SNX19: variants seen among roughly 807,000 people sequenced by gnomAD.
The protein encoded by SNX19 is sorting nexin 19.
SNX19 carries 60 observed loss-of-function variants against 85.2 expected under a neutral mutation model. The observed-to-expected ratio is 0.70, with a 90% confidence interval of 0.57 to 0.87. The LOEUF is 0.87. Ranked by LOEUF, SNX19 falls within the 40% of genes least tolerant of loss-of-function variation. SNX19 has a pLI of 0.00. For synonymous variants in SNX19, 520 were observed against 470.0 expected, an observed-to-expected ratio of 1.11 and a Z score of -1.38; for missense variants, 1,201 against 1,217.8, an observed-to-expected ratio of 0.99 and a Z score of 0.21.
In SNX19 at chr11:130,870,294, C is replaced by G. The variant is rs953829859; in HGVS notation, c.*8128G>C. ...CTTCAGCAGAAAGACCGCAGGTATT[C>G]CCGCCGCATCCACATATGCACACTT... is the stretch of plus-strand genomic sequence containing the variant. On this transcript the variant is annotated 3_prime_UTR_variant, in exon 11 of 11. Coordinates refer to ENST00000265909, the MANE Select transcript of SNX19 (RefSeq NM_014758.3). The G allele has an allele frequency of 2.6e-5, 4 of 152,214 alleles. No homozygotes were observed. Among genetic ancestry groups the G allele is most frequent in the African/African-American group, 7.2e-5 (3 of 41,444 alleles). 9.4% of individuals were successfully genotyped at this position (152,214 alleles called of 1,614,324 possible).
At position 130,915,811 on chromosome 11, in the gene SNX19, G is replaced by T. The variant is rs1222432907; in HGVS notation, c.129C>A (p.His43Gln). 2 of 1,614,210 alleles carry T rather than the reference G, an allele frequency of 1.2e-6. No individual in the cohort carries two copies. The highest frequency in any genetic ancestry group is 2.2e-5 in the South Asian group (2 of 91,090). Residue 43 changes from histidine (H) to glutamine (Q), a missense_variant, in exon 1 of 11, where the codon CAC becomes CAA. His to Gln is a conservative substitution (Grantham distance 24). Coordinates refer to ENST00000265909, the MANE Select transcript of SNX19 (RefSeq NM_014758.3). ...GVLLGWLLVIHLLVNVWLLCL... is the reference protein window; with the variant it reads ...GVLLGWLLVIQLLVNVWLLCL... ...ACAGCAGCCACACGTTGACCAGAAG[G>T]TGTATGACCAGGAGCCAGCCAAGCA...
rs35654790 is a variant in SNX19 at position 130,903,716 on chromosome 11, T to TACACACAC, written c.2444-340_2444-333dup. On this transcript the variant is annotated intron_variant, in intron 7 of 10. Coordinates refer to ENST00000265909, the MANE Select transcript of SNX19 (RefSeq NM_014758.3). ...ATATACATATATATATATATACACA[T>TACACACAC]ACACACACACACACACACACACACA... Among the ~76,000 whole-genome samples, 295 of 143,368 alleles carry TACACACAC rather than the reference T, an allele frequency of 2.1e-3. 2 individuals are homozygous for TACACACAC. The highest frequency in any genetic ancestry group is 5.3e-3 in the African/African-American group (204 of 38,604). 94.1% of individuals were successfully genotyped at this position (143,368 alleles called of 152,430 possible).
intron 8 of SNX19, among the ~76,000 whole-genome samples, chr11:130,887,833 A>G (rs1285562399): frequency 6.6e-6 from 1 of 152,198 alleles, no homozygotes; most frequent in Non-Finnish European, 1.5e-5. Flanking sequence ...TGAAAGAAGG[A>G]GAGAAATGAA....
At chr11:130,900,117 G>A (rs1945159493) in intron 8 of SNX19, among the ~76,000 whole-genome samples, 1 of 152,122 alleles carries the variant, frequency 6.6e-6, no homozygotes, top group African/African-American at 2.4e-5. Context: ...AACTTGCCTG[G>A]GCAACATAGT....
Position 130,915,705 on chromosome 11 carries a change from G to C in SNX19, c.235C>G (p.Leu79Val), listed in dbSNP as rs777097196. The change falls in exon 1 of 11, where the codon CTG becomes GTG. Residue 79 changes from leucine to valine, a missense_variant. Coordinates refer to ENST00000265909, the MANE Select transcript of SNX19 (RefSeq NM_014758.3). ...LAGVASGRLH[L>V]ERFIPLATCP... ...GTGGCCAACGGGATGAAGCGTTCCA[G>C]ATGCAGTCGACCTGAAGCCACTCCA... 2 of 1,614,262 alleles carry C rather than the reference G, an allele frequency of 1.2e-6. No homozygotes were observed. Among genetic ancestry groups the C allele is most frequent in the Non-Finnish European group, 1.7e-6 (2 of 1,180,050 alleles).
rs186683274 is a variant in SNX19 at position 130,877,381 on chromosome 11, G to A, written c.*1041C>T. On this transcript the variant is annotated 3_prime_UTR_variant, in exon 11 of 11. Coordinates refer to ENST00000265909, the MANE Select transcript of SNX19 (RefSeq NM_014758.3). The stretch of plus-strand genomic sequence containing the variant: ...TGTTGTTAAAGGACTGATTATAACC[G>A]TAAGGAATGGGAAATAAGAAGCTAT... 15 of 152,270 alleles carry A rather than the reference G, an allele frequency of 9.9e-5. No individual in the cohort carries two copies. The highest frequency in any genetic ancestry group is 2.6e-4 in the African/African-American group (11 of 41,564). The allele number at this position is 152,270 out of a possible 1,614,324, so 9.4% of individuals were successfully genotyped here.
At chr11:130,893,833 G>C (rs1294435684) in intron 8 of SNX19, 1 of 702,168 alleles carries the variant, frequency 1.4e-6, no homozygotes, top group South Asian at 1.5e-5. Context: ...ATCTTTCGGG[G>C]CCAGCATTAT....
chr11:130,904,061 T>C (rs1945471996), intron 7 of SNX19, among the ~76,000 whole-genome samples: 1 of 152,186 alleles, frequency 6.6e-6, no homozygotes, highest in Non-Finnish European at 1.5e-5. Context: ...TCTGGTAAAA[T>C]GCCATAACAA....
In SNX19 at chr11:130,868,198, A is replaced by G. The variant is rs930348461; in HGVS notation, c.*10224T>C. The stretch of plus-strand genomic sequence containing the variant: ...CTTCTCATGCCTTCCCTTTTCACAC[A>G]CTGGGGGCAGACACTCTCTCCTACT... On this transcript the variant is annotated 3_prime_UTR_variant, in exon 11 of 11. Transcript: ENST00000265909. 1.3e-5 allele frequency: 2 copies of G among 152,008 alleles called. No homozygotes were observed. The highest frequency in any genetic ancestry group is 4.8e-5 in the African/African-American group (2 of 41,374). The allele number at this position is 152,008 out of a possible 1,614,324, so 9.4% of individuals were successfully genotyped here.
At chr11:130,896,110 G>C (rs7110949) in intron 8 of SNX19, among the ~76,000 whole-genome samples, 96,639 of 152,046 alleles carry the variant, frequency 0.64, 30,997 homozygotes, top group South Asian at 0.8. Flanking sequence ...CAGAAAATAA[G>C]CGAGAATTCT....
chr11:130,910,466 A>G (rs1164017642), intron 2 of SNX19, 96 bp from the exon 3 acceptor site: 5 of 907,878 alleles, frequency 5.5e-6, no homozygotes, highest in African/African-American at 1.7e-5. Flanking sequence ...ACTATTGAAT[A>G]TATTTCCTTG....
intron 8 of SNX19, among the ~76,000 whole-genome samples, chr11:130,881,684 G>A (rs1278335250): frequency 6.6e-6 from 1 of 152,066 alleles, no homozygotes; most frequent in Non-Finnish European, 1.5e-5. Flanking sequence ...GCCTCTTCTC[G>A]CCTTGCCTGA....
chr11:130,903,530 A>G (rs1329869388), intron 7 of SNX19, 146 bp from the exon 8 acceptor site: 1 of 753,278 alleles, frequency 1.3e-6, no homozygotes, highest in Non-Finnish European at 2.0e-6. Context: ...AAATCAAAAG[A>G]GGTTTAACTC....
In SNX19 at chr11:130,879,627, T is replaced by C. The variant is rs776196813; in HGVS notation, c.2843A>G (p.Asn948Ser). 5.0e-6 allele frequency: 8 copies of C among 1,613,644 alleles called. No homozygotes were observed. The African/African-American group carries it at 9.3e-5, about 19-fold the overall frequency. Reference sequence around the variant, plus strand: ...GGAATAACATTTTCCCACTTACCTGTTGATGAGGGGTTGTTGTAGTGACTC... The same window carrying C: ...GGAATAACATTTTCCCACTTACCTGCTGATGAGGGGTTGTTGTAGTGACTC... The part of the protein sequence containing the change: ...VLESLQQPLI[N>S]RHLIYCLGDI... Residue 948 changes from asparagine (N) to serine (S), a missense_variant, in exon 10 of 11, where the codon AAC (asparagine) becomes AGC (serine). Around this residue, in one of 3 missense-constraint regions of SNX19, gnomAD observed 285 missense variants for 295.3 expected, o/e 0.97. Transcript: ENST00000265909.
rs143761120 is a variant in SNX19, at chr11:130,888,271, C to T, written c.2574-7465G>A. ...TTCATCATCTAGAGTTTTAACTACT[C>T]CTCTAAGATTAGAATTACTTGCAAA... On this transcript the variant is annotated intron_variant, in intron 8 of 10. Transcript: ENST00000265909. Among the ~76,000 whole-genome samples, 887 of 152,212 alleles carry T rather than the reference C, an allele frequency of 5.8e-3. 4 individuals carry two copies. Among genetic ancestry groups the T allele is most frequent in the Admixed American group, 0.011 (168 of 15,284 alleles).
In SNX19 at chr11:130,916,081, T is replaced by A. The variant is rs2135435477; in HGVS notation, c.-142A>T. 2.9e-6 allele frequency: 2 copies of A among 701,558 alleles called. No homozygotes were observed. Among genetic ancestry groups the A allele is most frequent in the East Asian group, 2.7e-5 (1 of 36,852 alleles). 43.5% of individuals were successfully genotyped at this position (701,558 alleles called of 1,614,324 possible). On this transcript the variant is annotated 5_prime_UTR_variant, in exon 1 of 11. Transcript: ENST00000265909. ...GAACCGGGGCTCCAGGCCCTCAAAG[T>A]CCTACAGGCACTGCAAAGCGACAGC...
rs746770858 is a variant in SNX19 at position 130,915,917 on chromosome 11, G to A, written c.23C>T (p.Pro8Leu). 5.6e-6 allele frequency: 9 copies of A among 1,613,786 alleles called. No individual in the cohort carries two copies. The highest frequency in any genetic ancestry group is 2.7e-5 in the African/African-American group (2 of 74,920). ...CGATCCAGCTGGAGTTTCCTGGAAC[G>A]GTGGCACTGTTTCTGTCTTCATGGC... The part of the protein sequence containing the change: MKTETVP[P>L]FQETPAGSSC... The change falls in exon 1 of 11, where the codon CCG becomes CTG. Residue 8 changes from proline (P) to leucine (L), a missense_variant. Transcript: ENST00000265909.
intron 4 of SNX19, among the ~76,000 whole-genome samples, chr11:130,909,578 C>T (rs996367231): frequency 1.3e-5 from 2 of 152,184 alleles, no homozygotes; most frequent in African/African-American, 4.8e-5. Context: ...ATACTCTGTT[C>T]TCTAGCGGAG....
At chr11:130,890,890 C>CTTTTTTTTTTT (rs10678203) in intron 8 of SNX19, among the ~76,000 whole-genome samples, 3 of 143,036 alleles carry the variant, frequency 2.1e-5, no homozygotes, top group Non-Finnish European at 3.0e-5. Flanking sequence ...GGATTTGGGT[C>CTTTTTTTTTTT]TTTTTTTTTT....
Sources: allele counts gnomAD v4.1 joint callset (sites outside exome capture counted in the v4.1 genomes callset), GRCh38; gene constraint gnomAD v4.1.1; regional missense constraint gnomAD v4.1.1; transcripts MANE v1.5; gene names NCBI Gene and HGNC (gene_info 2026-07-23, HGNC 2026-07-21).